The following SNTG1 variants were observed in gnomAD, a reference collection of about 807,000 sequenced individuals.
SNTG1 encodes syntrophin gamma 1, also known as gamma-1-syntrophin.
In SNTG1, 39 loss-of-function variants were observed where a neutral mutation model predicts 74.7. The observed-to-expected ratio is 0.52, with a 90% confidence interval of 0.40 to 0.68. SNTG1 has a LOEUF of 0.68. Ranked by LOEUF, SNTG1 falls within the 30% of genes least tolerant of loss-of-function variation. SNTG1 has a pLI of 0.00. For synonymous variants in SNTG1, 254 were observed against 217.1 expected, an observed-to-expected ratio of 1.17 and a Z score of -1.49; for missense variants, 685 against 609.5, an observed-to-expected ratio of 1.12 and a Z score of -1.30.
chr8:50,331,864 G>A (rs574428730), intron 2 of SNTG1, among the ~76,000 whole-genome samples: 8 of 152,206 alleles, frequency 5.3e-5, no homozygotes, highest in Non-Finnish European at 1.0e-4. Context: ...ATAATCTAAA[G>A]TGGAGAAGAC....
chr8:50,401,646 C>G (rs1025216669), intron 3 of SNTG1, among the ~76,000 whole-genome samples: 1 of 151,876 alleles, frequency 6.6e-6, no homozygotes, highest in Non-Finnish European at 1.5e-5. Context: ...TGTGTGTATG[C>G]ATGCATGCAT....
At chr8:50,654,202 G>A (rs998869105) in intron 13 of SNTG1, among the ~76,000 whole-genome samples, 11 of 151,820 alleles carry the variant, frequency 7.2e-5, no homozygotes, top group Middle Eastern at 3.4e-3. Context: ...GCTTGGGTTG[G>A]GACTCAAGTT....
At chr8:49,932,634 A>G (rs990373753) in intron 1 of SNTG1, among the ~76,000 whole-genome samples, 4 of 152,030 alleles carry the variant, frequency 2.6e-5, no homozygotes, top group African/African-American at 7.2e-5. Flanking sequence ...TTCCCATAAC[A>G]TAATACTTAC....
Position 50,554,960 on chromosome 8 carries a change from TC to T in SNTG1, c.810+1783del, listed in dbSNP as rs201629934. 8.2e-3 allele frequency among the ~76,000 whole-genome samples: 1,253 copies of T among 152,232 alleles called. 18 individuals carry two copies. The highest frequency in any genetic ancestry group is 0.028 in the African/African-American group (1,183 of 41,528). The stretch of plus-strand genomic sequence containing the variant: ...GATCCAAATTTGCATTGACCTAAAA[TC>T]CTAGGAATATTGTCATGCCATATTT... On this transcript the variant is annotated intron_variant, in intron 12 of 18. Coordinates refer to ENST00000642720, the MANE Select transcript of SNTG1 (RefSeq NM_018967.5).
chr8:50,632,172 T>C (rs938878810), intron 13 of SNTG1, among the ~76,000 whole-genome samples: 3 of 152,128 alleles, frequency 2.0e-5, no homozygotes, highest in African/African-American at 7.2e-5. Context: ...ATTATATTTA[T>C]ATTTATAGTT....
chr8:50,301,298 T>C (rs1186115037), intron 2 of SNTG1, among the ~76,000 whole-genome samples: 2 of 152,144 alleles, frequency 1.3e-5, no homozygotes, highest in Admixed American at 1.3e-4. Flanking sequence ...TGATCTTTAC[T>C]GATTTAACTT....
upstream of SNTG1, among the ~76,000 whole-genome samples, chr8:49,910,269 T>C (rs1805514169): frequency 6.6e-6 from 1 of 151,852 alleles, no homozygotes; most frequent in Non-Finnish European, 1.5e-5. Context: ...CGGGAGAAAT[T>C]AGTGTTGCGC....
intron 1 of SNTG1, among the ~76,000 whole-genome samples, chr8:50,161,772 GA>G (rs757404720): frequency 4.7e-5 from 7 of 150,154 alleles, no homozygotes; most frequent in Non-Finnish European, 8.9e-5. Context: ...AAAAGAAAAA[GA>G]AAAAAAAAGT....
chr8:50,116,539 C>T (rs1323694813), intron 1 of SNTG1, among the ~76,000 whole-genome samples: 1 of 152,200 alleles, frequency 6.6e-6, no homozygotes, highest in Non-Finnish European at 1.5e-5. Context: ...TCTCCATCCT[C>T]AGTCATTGCG....
chr8:49,952,516 A>G (rs1809814055), intron 1 of SNTG1, among the ~76,000 whole-genome samples: 1 of 152,210 alleles, frequency 6.6e-6, no homozygotes, highest in South Asian at 2.1e-4. Flanking sequence ...GAGCTCAGGA[A>G]TGAAGAAGAT....
intron 1 of SNTG1, among the ~76,000 whole-genome samples, chr8:49,950,259 C>A (rs768995012): frequency 9.9e-5 from 15 of 152,270 alleles, no homozygotes; most frequent in South Asian, 4.1e-4. Context: ...TGCTTAATTT[C>A]TATTAAAATG....
At chr8:50,716,912 A>G (rs886195875) in intron 17 of SNTG1, among the ~76,000 whole-genome samples, 5 of 150,924 alleles carry the variant, frequency 3.3e-5, no homozygotes, top group Admixed American at 1.3e-4. Context: ...TTTTTTTTGC[A>G]TTTTTAGTGG....
rs369437530 is a variant in SNTG1 at position 50,081,682 on chromosome 8, G to A, written c.-102-90879G>A. 5.9e-5 allele frequency among the ~76,000 whole-genome samples: 9 copies of A among 152,114 alleles called. No homozygotes were observed. The South Asian group carries it at 1.9e-3, about 32-fold the overall frequency. The stretch of plus-strand genomic sequence containing the variant: ...GGAGTCTCTCTCTGTCACCCAGGCT[G>A]GAGTGCAGTGGTGCTATCTTGGCTC... On this transcript the variant is annotated intron_variant, in intron 1 of 18. Coordinates refer to ENST00000642720, the MANE Select transcript of SNTG1 (RefSeq NM_018967.5).
intron 1 of SNTG1, among the ~76,000 whole-genome samples, chr8:49,945,033 A>G (rs1809050267): frequency 6.6e-6 from 1 of 152,156 alleles, no homozygotes; most frequent in Non-Finnish European, 1.5e-5. Flanking sequence ...TCTGAGTACT[A>G]ACTACTGATT....
intron 12 of SNTG1, among the ~76,000 whole-genome samples, chr8:50,571,977 T>G (rs1420858061): frequency 6.6e-6 from 1 of 152,164 alleles, no homozygotes; most frequent in Non-Finnish European, 1.5e-5. Flanking sequence ...TTGAGGGTGC[T>G]TTGAGCTTCT....
intron 18 of SNTG1, among the ~76,000 whole-genome samples, chr8:50,779,073 G>T (rs1235673917): frequency 2.6e-5 from 4 of 152,014 alleles, no homozygotes; most frequent in Non-Finnish European, 1.5e-5. Flanking sequence ...TCTCTGTTTT[G>T]GTACCAGTAC....
intron 1 of SNTG1, among the ~76,000 whole-genome samples, chr8:49,915,849 G>A (rs1197136797): frequency 6.6e-6 from 1 of 152,176 alleles, no homozygotes; most frequent in African/African-American, 2.4e-5. Context: ...CTGTTAAGAT[G>A]TTGTTTTGAT....
intron 8 of SNTG1, among the ~76,000 whole-genome samples, chr8:50,451,966 TG>T: frequency 6.6e-6 from 1 of 152,356 alleles, no homozygotes; most frequent in South Asian, 2.1e-4. Context: ...GTAGTCCTTT[TG>T]CTTGTCACAG....
chr8:50,480,871 T>C (rs1180867259), intron 8 of SNTG1, among the ~76,000 whole-genome samples: 2 of 152,204 alleles, frequency 1.3e-5, no homozygotes, highest in Admixed American at 6.5e-5. Context: ...GAATGAACAG[T>C]TGTTTTTATT....
Sources: gnomAD v4.1 joint callset for allele counts (sites outside exome capture counted in the v4.1 genomes callset) on GRCh38, gnomAD v4.1.1 for gene constraint, MANE v1.5 for transcripts, NCBI Gene and HGNC (gene_info 2026-07-23, HGNC 2026-07-21) for gene names.